The following ZRANB1 variants were observed in gnomAD, a reference collection of about 807,000 sequenced individuals.
The protein encoded by ZRANB1 is ubiquitin thioesterase ZRANB1.
In ZRANB1, 16 loss-of-function variants were observed where a neutral mutation model predicts 80.5. The ratio of observed to expected loss-of-function variants is 0.20; its 90% CI spans 0.13 to 0.30. ZRANB1 has a LOEUF of 0.30. ZRANB1 is among the 10% of genes least tolerant of loss of function. The probability of loss-of-function intolerance (pLI) is 1.00; values close to 1 mark genes in which losing one functional copy is unlikely to be tolerated. For missense variants in ZRANB1, 576 were observed against 862.6 expected, an observed-to-expected ratio of 0.67 and a Z score of 4.16; for synonymous variants, 291 against 293.1, an observed-to-expected ratio of 0.99 and a Z score of 0.07.
At chr10:124,975,155 T>C (rs1053431834) in intron 5 of ZRANB1, among the ~76,000 whole-genome samples, 3 of 152,228 alleles carry the variant, frequency 2.0e-5, no homozygotes, top group Admixed American at 1.3e-4. Flanking sequence ...TACAAGTTTT[T>C]TTCCTTCCTG....
chr10:124,985,430 C>T lies in ZRANB1; in HGVS notation c.*438C>T, dbSNP rs961108154. Reference sequence around the variant, plus strand: ...TATTTCAGTAGAACCTGGCATTCTACTTTCACCTTAAAAGATCCATCTAAG... The same window carrying T: ...TATTTCAGTAGAACCTGGCATTCTATTTTCACCTTAAAAGATCCATCTAAG... On this transcript the variant is annotated 3_prime_UTR_variant, in exon 9 of 9. Transcript: ENST00000359653. 6.5e-6 allele frequency: 1 copy of T among 154,158 alleles called. No homozygotes were observed. The highest frequency in any genetic ancestry group is 2.4e-5 in the African/African-American group (1 of 41,494). 9.5% of individuals were successfully genotyped at this position (154,158 alleles called of 1,614,324 possible).
At chr10:124,951,994 A>G (rs939508830) in intron 1 of ZRANB1, among the ~76,000 whole-genome samples, 3 of 152,134 alleles carry the variant, frequency 2.0e-5, no homozygotes, top group African/African-American at 4.8e-5. Flanking sequence ...AAATAAAAAC[A>G]GTATTGATGA....
At chr10:124,956,299 CTAAACTAACTTTA>C (rs1951687298) in intron 1 of ZRANB1, among the ~76,000 whole-genome samples, 1 of 152,010 alleles carries the variant, frequency 6.6e-6, no homozygotes, top group South Asian at 2.1e-4. Context: ...TTGTTGGGAT[CTAAACTAACTTTA>C]AAAAGTTGCG....
At chr10:124,980,272 G>A (rs1416434643) in intron 5 of ZRANB1, among the ~76,000 whole-genome samples, 1 of 152,188 alleles carries the variant, frequency 6.6e-6, no homozygotes, top group African/African-American at 2.4e-5. Flanking sequence ...GACTCTGGTA[G>A]TATCAGAGTT....
At chr10:124,978,235 C>T (rs960126979) in intron 5 of ZRANB1, among the ~76,000 whole-genome samples, 6 of 152,116 alleles carry the variant, frequency 3.9e-5, no homozygotes, top group African/African-American at 7.2e-5. Flanking sequence ...AGTGAGCAGC[C>T]GTGGGTTTTC....
intron 5 of ZRANB1, among the ~76,000 whole-genome samples, chr10:124,978,045 A>T (rs1951895010): frequency 6.6e-6 from 1 of 152,190 alleles, no homozygotes; most frequent in African/African-American, 2.4e-5. Context: ...GATCACACAG[A>T]CATCCTTACA....
intron 1 of ZRANB1, among the ~76,000 whole-genome samples, chr10:124,951,899 G>A (rs1235196454): frequency 3.3e-5 from 5 of 152,096 alleles, no homozygotes; most frequent in African/African-American, 1.2e-4. Flanking sequence ...GGAGGTTGCA[G>A]TGAGCTGAGA....
At chr10:124,976,897 C>T (rs1951881181) in intron 5 of ZRANB1, among the ~76,000 whole-genome samples, 1 of 151,604 alleles carries the variant, frequency 6.6e-6, no homozygotes. Context: ...ATTTCCTGAT[C>T]TGTTGAAAGG....
the ZRANB1 span, among the ~76,000 whole-genome samples, chr10:124,919,083 T>C: frequency 6.6e-6 from 1 of 152,222 alleles, no homozygotes; most frequent in Non-Finnish European, 1.5e-5. Flanking sequence ...GTCTGTACAC[T>C]GATAGGGGTT....
In ZRANB1 at chr10:124,953,505, G is replaced by A. The variant is rs74160983; in HGVS notation, c.814+10198G>A. On this transcript the variant is annotated intron_variant, in intron 1 of 8. Coordinates refer to ENST00000359653, the MANE Select transcript of ZRANB1 (RefSeq NM_017580.3). ...TTTTTCAGGTCAGCGAAATAAATAT[G>A]CCTGTATGAAGCTGATTGCTGTGGC... 3.5e-3 allele frequency among the ~76,000 whole-genome samples: 538 copies of A among 152,272 alleles called. 2 individuals are homozygous for A. The highest frequency in any genetic ancestry group is 0.012 in the African/African-American group (500 of 41,562).
chr10:124,982,243 A>ACTGAT (rs1448424227), intron 6 of ZRANB1, among the ~76,000 whole-genome samples: 2 of 152,272 alleles, frequency 1.3e-5, no homozygotes, highest in Middle Eastern at 3.4e-3. Context: ...ACTTAAGATT[A>ACTGAT]CTGGTGTAGG....
Position 124,986,838 on chromosome 10 carries a change from T to C in ZRANB1, c.*1846T>C, listed in dbSNP as rs1479931086. 2 of 152,134 alleles carry C rather than the reference T, an allele frequency of 1.3e-5. No individual in the cohort carries two copies. The highest frequency in any genetic ancestry group is 2.9e-5 in the Non-Finnish European group (2 of 68,026). 9.4% of individuals were successfully genotyped at this position (152,134 alleles called of 1,614,324 possible). A position where few individuals can be genotyped will look rare whatever the true frequency, so the allele number is the denominator to read the frequency against. ...CCCAATTGAAAAAGCCAAAGAGAAT[T>C]GTTAGAGGGAAAAGCATGTAGCCAT... On this transcript the variant is annotated 3_prime_UTR_variant, in exon 9 of 9. Transcript: ENST00000359653.
intron 5 of ZRANB1, among the ~76,000 whole-genome samples, chr10:124,976,090 C>G (rs191159259): frequency 6.6e-6 from 1 of 152,270 alleles, no homozygotes; most frequent in African/African-American, 2.4e-5. Context: ...GATGACCTGA[C>G]TGGATGTATA....
chr10:124,974,202 T>C lies in ZRANB1; in HGVS notation c.1231T>C (p.Leu411=). ...EVLDRDVQKE[L]EEESPIINWS... The stretch of plus-strand genomic sequence containing the variant: ...ATGTATTTAAATCCATCGTACAGAA[T>C]TAGAAGAAGAATCTCCAATTATTAA... The change falls in exon 5 of 9, where the codon TTA becomes CTA. Residue 411 remains leucine (L), a splice_region_variant and synonymous_variant. Transcript: ENST00000359653. 6.2e-7 allele frequency: 1 copy of C among 1,614,176 alleles called. No homozygotes were observed. The highest frequency in any genetic ancestry group is 8.5e-7 in the Non-Finnish European group (1 of 1,179,974).
At position 124,985,231 on chromosome 10, in the gene ZRANB1, CT is replaced by C. The variant is rs558467101; in HGVS notation, c.*246del. The C allele has an allele frequency of 3.1e-4, 130 of 418,756 alleles. No individual in the cohort carries two copies. In the East Asian group the frequency reaches 4.7e-3, roughly 15 times the overall value. The allele number at this position is 418,756 out of a possible 1,614,324, so 25.9% of individuals were successfully genotyped here. On this transcript the variant is annotated 3_prime_UTR_variant, in exon 9 of 9. Coordinates refer to ENST00000359653, the MANE Select transcript of ZRANB1 (RefSeq NM_017580.3). ...AAAAACTAATTTTATTAAGACAGAA[CT>C]TTTTTTCCTTCCAAATTGTAAATCT...
intron 1 of ZRANB1, among the ~76,000 whole-genome samples, chr10:124,955,124 CA>C (rs770934680): frequency 1.3e-5 from 2 of 150,686 alleles, no homozygotes; most frequent in Non-Finnish European, 3.0e-5. Context: ...GACTCTGTCT[CA>C]AAAAAACAAA....
chr10:124,985,047 G>C lies in ZRANB1; in HGVS notation c.*55G>C. The stretch of plus-strand genomic sequence containing the variant: ...GCATCAGATCTGTAATGACCCTAAA[G>C]TTAGTGTGGTGCTCCAAGCAGAGTC... On this transcript the variant is annotated 3_prime_UTR_variant, in exon 9 of 9. Coordinates refer to ENST00000359653, the MANE Select transcript of ZRANB1 (RefSeq NM_017580.3). 7.3e-7 allele frequency: 1 copy of C among 1,362,846 alleles called. No individual in the cohort carries two copies. The highest frequency in any genetic ancestry group is 1.0e-6 in the Non-Finnish European group (1 of 978,974). 84.4% of individuals were successfully genotyped at this position (1,362,846 alleles called of 1,614,324 possible).
intron 1 of ZRANB1, among the ~76,000 whole-genome samples, chr10:124,953,205 C>T (rs1951656986): frequency 6.6e-6 from 1 of 151,786 alleles, no homozygotes; most frequent in South Asian, 2.1e-4. Flanking sequence ...GGATTACAGG[C>T]GTGAGCCACT....
At chr10:124,973,833 A>G in intron 4 of ZRANB1, 117 bp downstream of exon 4, 1 of 873,830 alleles carries the variant, frequency 1.1e-6, no homozygotes, top group Non-Finnish European at 1.8e-6. Flanking sequence ...TTTTAAATTA[A>G]AGACGTAAAG....
Sources: gnomAD v4.1 joint callset for allele counts (sites outside exome capture counted in the v4.1 genomes callset) on GRCh38, gnomAD v4.1.1 for gene constraint, MANE v1.5 for transcripts, NCBI Gene and HGNC (gene_info 2026-07-23, HGNC 2026-07-21) for gene names.